TUSC3: variants seen among roughly 807,000 people sequenced by gnomAD.
TUSC3 encodes the protein dolichyl-diphosphooligosaccharide--protein glycosyltransferase subunit TUSC3.
In TUSC3, 45 loss-of-function variants were observed where a neutral mutation model predicts 44.8. The observed-to-expected ratio is 1.00, with a 90% CI of 0.79 to 1.29. The LOEUF is 1.29. Ranked by LOEUF, TUSC3 falls within the 50% of genes most tolerant of loss-of-function variation. TUSC3 has a pLI of 0.00. For synonymous variants in TUSC3, 212 were observed against 152.9 expected (o/e 1.39, Z -2.85); for missense variants, 519 against 437.9 (o/e 1.19, Z -1.65).
At chr8:15,462,024 G>A (rs1297408054) in intron 1 of TUSC3, among the ~76,000 whole-genome samples, 1 of 151,946 alleles carries the variant, frequency 6.6e-6, no homozygotes, top group African/African-American at 2.4e-5. Context: ...ACTTACTTTT[G>A]AGCAAGTCAT....
chr8:15,562,033 A>G (rs1802493829), intron 1 of TUSC3, among the ~76,000 whole-genome samples: 1 of 152,096 alleles, frequency 6.6e-6, no homozygotes. Flanking sequence ...CCTCTCTTCA[A>G]AAATCAATTT....
At chr8:15,504,911 C>G (rs956010684) in intron 2 of TUSC3, among the ~76,000 whole-genome samples, 8 of 151,932 alleles carry the variant, frequency 5.3e-5, no homozygotes, top group African/African-American at 1.9e-4. Flanking sequence ...TTCAGCCTCC[C>G]AAAGTGCCGG....
intron 6 of TUSC3, among the ~76,000 whole-genome samples, chr8:15,679,463 A>G (rs1808322558): frequency 6.6e-6 from 1 of 151,830 alleles, no homozygotes; most frequent in East Asian, 1.9e-4. Flanking sequence ...TTTTTGCTTA[A>G]GTTTTTTAAG....
intron 2 of TUSC3, among the ~76,000 whole-genome samples, chr8:15,631,099 C>T (rs1374828991): frequency 6.6e-6 from 1 of 152,134 alleles, no homozygotes; most frequent in African/African-American, 2.4e-5. Flanking sequence ...CTTTGCAAGA[C>T]TGGGGAAGTG....
intron 1 of TUSC3, among the ~76,000 whole-genome samples, chr8:15,605,389 CATG>C (rs1314868258): frequency 2.0e-5 from 3 of 151,884 alleles, no homozygotes; most frequent in African/African-American, 4.8e-5. Flanking sequence ...TTTCAAATCA[CATG>C]ATTCATAAAG....
At chr8:15,599,869 T>G (rs1044499591) in intron 1 of TUSC3, among the ~76,000 whole-genome samples, 1 of 151,812 alleles carries the variant, frequency 6.6e-6, no homozygotes, top group African/African-American at 2.4e-5. Context: ...AAGTCTGTTC[T>G]CCTTAAATGT....
chr8:15,595,344 T>G (rs944481105), intron 1 of TUSC3, among the ~76,000 whole-genome samples: 1 of 152,156 alleles, frequency 6.6e-6, no homozygotes, highest in African/African-American at 2.4e-5. Flanking sequence ...CTCTGCCCTG[T>G]GATTCTAGGT....
chr8:15,674,977 T>C (rs541275484), intron 6 of TUSC3, among the ~76,000 whole-genome samples: 11 of 152,198 alleles, frequency 7.2e-5, no homozygotes, highest in Admixed American at 2.6e-4. Context: ...GTTAGCCCTT[T>C]CCTCTCTTCC....
At chr8:15,496,673 G>A (rs577427032) in intron 2 of TUSC3, among the ~76,000 whole-genome samples, 26 of 152,252 alleles carry the variant, frequency 1.7e-4, no homozygotes, top group South Asian at 6.2e-4. Flanking sequence ...CCTGAGAAAC[G>A]CATATGCTGT....
At position 15,747,289 on chromosome 8, in the gene TUSC3, TCTTTCTCTATTTTACAA is replaced by T. The variant is rs562692160; in HGVS notation, c.938-1085_938-1069del. On this transcript the variant is annotated intron_variant, in intron 8 of 10. Coordinates refer to ENST00000503731, the MANE Select transcript of TUSC3 (RefSeq NM_006765.4). ...TTTTCCTTATTTTCTTCTGCTTTAA[TCTTTCTCTATTTTACAA>T]ATAACTTCAAATATTTTTCAAATTG... Among the ~76,000 whole-genome samples the T allele has an allele frequency of 1.6e-4, 24 of 152,212 alleles. No homozygotes were observed. The South Asian group carries it at 4.8e-3, about 30-fold the overall frequency.
chr8:15,818,150 T>C, the TUSC3 span, among the ~76,000 whole-genome samples: 34 of 152,316 alleles, frequency 2.2e-4, no homozygotes, highest in African/African-American at 7.9e-4. Flanking sequence ...GGATATTCTG[T>C]CAGGGGATGA....
intron 7 of TUSC3, 63 bp from the exon 8 acceptor site, chr8:15,743,475 G>A: frequency 6.5e-7 from 1 of 1,549,328 alleles, no homozygotes; most frequent in Admixed American, 1.7e-5. Flanking sequence ...TGTGTTCAGA[G>A]CCAGAAAAAT....
intron 4 of TUSC3, among the ~76,000 whole-genome samples, chr8:15,661,909 C>G (rs1342774695): frequency 2.0e-5 from 3 of 151,758 alleles, no homozygotes; most frequent in African/African-American, 4.8e-5. Context: ...ATAAAAATAG[C>G]TGATAAGCAC....
intron 5 of TUSC3, among the ~76,000 whole-genome samples, chr8:15,667,323 A>G (rs1004545628): frequency 1.3e-5 from 2 of 151,674 alleles, no homozygotes; most frequent in African/African-American, 4.8e-5. Flanking sequence ...TATAAATGAA[A>G]GAAATAATGA....
chr8:15,591,994 G>A (rs1379256009), intron 1 of TUSC3, among the ~76,000 whole-genome samples: 1 of 152,148 alleles, frequency 6.6e-6, no homozygotes, highest in Non-Finnish European at 1.5e-5. Flanking sequence ...CCTTCAGGAG[G>A]CAGCTATAGT....
chr8:15,579,190 A>G (rs1314787666), intron 1 of TUSC3, among the ~76,000 whole-genome samples: 3 of 147,618 alleles, frequency 2.0e-5, no homozygotes, highest in East Asian at 2.0e-4. Flanking sequence ...TATTGTGTCT[A>G]TTTGATTCTT....
rs1454870259 is a variant in TUSC3, at chr8:15,540,497, G to A, written c.67G>A (p.Gly23Arg). The change falls in exon 1 of 11, where the codon GGG becomes AGG. Residue 23 changes from glycine (G) to arginine (R), a missense_variant. By Grantham distance (125) the Gly-to-Arg change is moderately radical. Coordinates refer to ENST00000503731, the MANE Select transcript of TUSC3 (RefSeq NM_006765.4). ...AGRRLRYLPT[G>R]SFPFLLLLLL... ...GCGGCGGCTGCGGTACCTGCCCACC[G>A]GGAGCTTTCCCTTCCTTCTCCTGCT... 4.4e-6 allele frequency: 7 copies of A among 1,608,580 alleles called. No homozygotes were observed. Among genetic ancestry groups the A allele is most frequent in the Admixed American group, 1.7e-5 (1 of 59,720 alleles).
At position 15,625,990 on chromosome 8, in the gene TUSC3, C is replaced by T. The variant is rs577482574; in HGVS notation, c.308+2741C>T. ...ATATATACCTTAACGATGGCAGCAG[C>T]GGGCCATCCGAAGAGGCCACTGCTA... On this transcript the variant is annotated intron_variant, in intron 2 of 10. Coordinates refer to ENST00000503731, the MANE Select transcript of TUSC3 (RefSeq NM_006765.4). 1.6e-4 allele frequency among the ~76,000 whole-genome samples: 24 copies of T among 152,314 alleles called. No homozygotes were observed. In the East Asian group the frequency reaches 2.3e-3, roughly 15 times the overall value.
chr8:15,705,536 A>G (rs1563182367), intron 6 of TUSC3, among the ~76,000 whole-genome samples: 1 of 152,134 alleles, frequency 6.6e-6, no homozygotes, highest in African/African-American at 2.4e-5. Context: ...GGTGGGTAAT[A>G]TGTCAGAGCT....
Sources: gnomAD v4.1 joint callset for allele counts (sites outside exome capture counted in the v4.1 genomes callset) on GRCh38, gnomAD v4.1.1 for gene constraint, MANE v1.5 for transcripts, NCBI Gene and HGNC (gene_info 2026-07-23, HGNC 2026-07-21) for gene names.